The following PAG1 variants were observed in gnomAD, a reference collection of about 807,000 sequenced individuals.
PAG1 encodes phosphoprotein associated with glycosphingolipid-enriched microdomains 1.
Under a neutral mutation model 31.7 loss-of-function variants are expected in PAG1, and 23 were observed. That is an observed-to-expected ratio of 0.73 (90% CI 0.52 to 1.03). The LOEUF is 1.03. Among genes scored for constraint, PAG1 ranks in the 50% least tolerant of loss-of-function variants. The probability of loss-of-function intolerance (pLI) is 0.00; values close to 1 mark genes in which losing one functional copy is unlikely to be tolerated. For synonymous variants in PAG1, 214 were observed against 210.3 expected (o/e 1.02, Z -0.15); for missense variants, 473 against 540.7 (o/e 0.87, Z 1.24).
intron 2 of PAG1, among the ~76,000 whole-genome samples, chr8:81,053,936 C>T (rs1373722351): frequency 1.3e-5 from 2 of 152,126 alleles, no homozygotes; most frequent in Admixed American, 6.5e-5. Flanking sequence ...CTTTGCAGGC[C>T]ATAGGATCTC....
chr8:80,985,140 G>C lies in PAG1; in HGVS notation c.512C>G (p.Ser171Cys), dbSNP rs745408770. The C allele has an allele frequency of 1.4e-5, 23 of 1,613,956 alleles. No homozygotes were observed. The highest frequency in any genetic ancestry group is 1.7e-5 in the Non-Finnish European group (20 of 1,180,016). The stretch of plus-strand genomic sequence containing the variant: ...GCAGTCCTCCACCATGTTTTCTTGG[G>C]AGGAGCTGTCCTTGAGCACTTCATA... ...GPYEVLKDSS[S>C]QENMVEDCLY... Residue 171 changes from serine (S) to cysteine (C), a missense_variant, in exon 7 of 9, where the codon TCC (serine) becomes TGC (cysteine). By Grantham distance (112) the Ser-to-Cys change is moderately radical. Transcript: ENST00000220597.
At chr8:81,003,047 TCC>T (rs780175367) in intron 3 of PAG1, among the ~76,000 whole-genome samples, 70 of 152,228 alleles carry the variant, frequency 4.6e-4, no homozygotes, top group Non-Finnish European at 7.4e-4. Flanking sequence ...CCAAGGGTGG[TCC>T]CAGTTAGCAG....
At chr8:81,057,879 C>G (rs796565592) in intron 2 of PAG1, among the ~76,000 whole-genome samples, 173 of 152,178 alleles carry the variant, frequency 1.1e-3, no homozygotes, top group African/African-American at 3.9e-3. Context: ...TTCTTTCCAC[C>G]ATATATATAA....
At chr8:81,090,115 T>C (rs1332776684) in intron 1 of PAG1, among the ~76,000 whole-genome samples, 3 of 152,230 alleles carry the variant, frequency 2.0e-5, no homozygotes. Context: ...ATTACCTAAT[T>C]TTCCTGGTGT....
chr8:80,988,965 A>G (rs1807482159), intron 5 of PAG1, among the ~76,000 whole-genome samples: 1 of 152,218 alleles, frequency 6.6e-6, no homozygotes, highest in African/African-American at 2.4e-5. Flanking sequence ...AAATCACTGC[A>G]AATGTGATTT....
rs188491001 is a variant in PAG1 at position 81,101,954 on chromosome 8, G to A, written c.-234+9637C>T. ...AAAATATATACTCATAGAAAGATGAGTACGAAATGCAGTTTAATTGTTCAT... is the reference window on the plus strand; with the variant it reads ...AAAATATATACTCATAGAAAGATGAATACGAAATGCAGTTTAATTGTTCAT... On this transcript the variant is annotated intron_variant, in intron 1 of 8. Coordinates refer to ENST00000220597, the MANE Select transcript of PAG1 (RefSeq NM_018440.4). 1.3e-3 allele frequency among the ~76,000 whole-genome samples: 205 copies of A among 152,162 alleles called. 1 individual carries two copies. The highest frequency in any genetic ancestry group is 4.6e-3 in the African/African-American group (192 of 41,526).
At chr8:81,046,876 G>A (rs1046821213) in intron 2 of PAG1, among the ~76,000 whole-genome samples, 9 of 151,992 alleles carry the variant, frequency 5.9e-5, no homozygotes, top group Middle Eastern at 3.2e-3. Flanking sequence ...TCCCAGTATA[G>A]GCTGTTCCCC....
chr8:81,036,206 G>A (rs907603367), intron 2 of PAG1, among the ~76,000 whole-genome samples: 1 of 152,044 alleles, frequency 6.6e-6, no homozygotes, highest in Non-Finnish European at 1.5e-5. Context: ...ACTCATGTGA[G>A]GCCTAATGTG....
chr8:81,016,443 C>T, intron 3 of PAG1, among the ~76,000 whole-genome samples: 1 of 152,212 alleles, frequency 6.6e-6, no homozygotes, highest in East Asian at 1.9e-4. Flanking sequence ...CTTCCACATG[C>T]TCAGTTGTCG....
intron 3 of PAG1, among the ~76,000 whole-genome samples, chr8:81,029,240 T>A (rs1808335342): frequency 6.6e-6 from 1 of 152,210 alleles, no homozygotes; most frequent in South Asian, 2.1e-4. Flanking sequence ...TGAATTCAGC[T>A]GCTTCTGTTA....
At chr8:81,026,731 C>G (rs1808287226) in intron 3 of PAG1, among the ~76,000 whole-genome samples, 1 of 152,158 alleles carries the variant, frequency 6.6e-6, no homozygotes, top group East Asian at 1.9e-4. Flanking sequence ...AGCAATTACC[C>G]TGCACACGAA....
At chr8:81,047,715 AT>A (rs1808664674) in intron 2 of PAG1, among the ~76,000 whole-genome samples, 1 of 152,136 alleles carries the variant, frequency 6.6e-6, no homozygotes, top group African/African-American at 2.4e-5. Flanking sequence ...CCACAAACAA[AT>A]TTTTACTATG....
intron 2 of PAG1, among the ~76,000 whole-genome samples, chr8:81,064,692 C>A (rs563201467): frequency 3.4e-4 from 52 of 152,162 alleles, no homozygotes; most frequent in African/African-American, 1.2e-3. Flanking sequence ...CGGGTTTCTA[C>A]TGAAGCAGAG....
At chr8:81,058,483 T>C (rs1377439275) in intron 2 of PAG1, 1 of 152,350 alleles carries the variant, frequency 6.6e-6, no homozygotes, top group Non-Finnish European at 1.5e-5. Context: ...TGGTGGTGTG[T>C]GCCTGTAGGA....
At chr8:81,068,181 G>A (rs886144738) in intron 2 of PAG1, among the ~76,000 whole-genome samples, 2 of 152,188 alleles carry the variant, frequency 1.3e-5, no homozygotes, top group Admixed American at 6.5e-5. Flanking sequence ...ACAGGCGTGA[G>A]CACTGCACCC....
At chr8:81,007,570 G>A (rs1807906772) in intron 3 of PAG1, among the ~76,000 whole-genome samples, 1 of 147,382 alleles carries the variant, frequency 6.8e-6, no homozygotes, top group African/African-American at 2.5e-5. Flanking sequence ...CCAGAAGGTG[G>A]AGGTTGCAGT....
intron 2 of PAG1, among the ~76,000 whole-genome samples, chr8:81,055,064 T>TC (rs1491335420): frequency 7.6e-5 from 11 of 145,032 alleles, no homozygotes; most frequent in Non-Finnish European, 1.5e-4. Context: ...TGAATTAATT[T>TC]CTTTTTTTTT....
intron 2 of PAG1, among the ~76,000 whole-genome samples, chr8:81,037,991 T>G (rs1722081608): frequency 6.6e-6 from 1 of 152,232 alleles, no homozygotes; most frequent in Non-Finnish European, 1.5e-5. Flanking sequence ...GGCAGCTAAC[T>G]GGGTAGCCAC....
intron 1 of PAG1, among the ~76,000 whole-genome samples, chr8:81,070,983 T>C (rs1385062034): frequency 6.6e-6 from 1 of 152,176 alleles, no homozygotes; most frequent in African/African-American, 2.4e-5. Flanking sequence ...AGGAGAAATA[T>C]CCACTGGGGG....
Sources: allele counts gnomAD v4.1 joint callset (sites outside exome capture counted in the v4.1 genomes callset), GRCh38; gene constraint gnomAD v4.1.1; transcripts MANE v1.5; gene names NCBI Gene and HGNC (gene_info 2026-07-23, HGNC 2026-07-21).